Variants in QTGAL observed in about 807,000 individuals in gnomAD.
QTGAL encodes BGnT-like protein 1.
the QTGAL span, among the ~76,000 whole-genome samples, chr17:83,014,805 G>C: frequency 6.6e-6 from 1 of 152,254 alleles, no homozygotes. Flanking sequence ...AAACAGGCAA[G>C]GGCCTTGAAC....
the QTGAL span, among the ~76,000 whole-genome samples, chr17:82,974,255 CT>C: frequency 1.3e-5 from 2 of 152,206 alleles, no homozygotes; most frequent in Non-Finnish European, 2.9e-5. Context: ...GGAACGCGTG[CT>C]GACTGAGGCC....
the QTGAL span, among the ~76,000 whole-genome samples, chr17:82,973,460 C>G: frequency 1.3e-5 from 2 of 152,170 alleles, no homozygotes; most frequent in Non-Finnish European, 1.5e-5. Flanking sequence ...ACGGTCTTCC[C>G]GGGGAGCAGC....
At chr17:83,006,021 C>A in the QTGAL span, 1 of 1,046,518 alleles carries the variant, frequency 9.6e-7, no homozygotes, top group Non-Finnish European at 1.2e-6. This position sits in a 1 kb window ranked among gnomAD's most constrained non-coding sequence, Gnocchi z 5.8. Context: ...GGCACCTGGG[C>A]GCGTCCGTAG....
chr17:83,011,871 C>T, the QTGAL span, among the ~76,000 whole-genome samples: 1 of 152,074 alleles, frequency 6.6e-6, no homozygotes. Flanking sequence ...GGAATCCCAG[C>T]TCGTTTGAAC....
chr17:82,972,681 A>G, the QTGAL span, among the ~76,000 whole-genome samples: 10 of 110,162 alleles, frequency 9.1e-5, no homozygotes, highest in African/African-American at 3.4e-4. Context: ...AGGACCCGGT[A>G]CTGACCACAC....
chr17:83,028,954 C>T, the QTGAL span, among the ~76,000 whole-genome samples: 5 of 152,292 alleles, frequency 3.3e-5, no homozygotes, highest in South Asian at 2.1e-4. Flanking sequence ...CATGACCATC[C>T]GGCTGAGTGG....
the QTGAL span, among the ~76,000 whole-genome samples, chr17:82,993,113 C>T: frequency 6.6e-6 from 1 of 152,154 alleles, no homozygotes; most frequent in East Asian, 1.9e-4. Context: ...GGAGTAAGTC[C>T]TTATTTATCA....
At chr17:82,970,645 C>T in the QTGAL span, among the ~76,000 whole-genome samples, 58 of 68,438 alleles carry the variant, frequency 8.5e-4, 8 homozygotes, top group African/African-American at 1.6e-3. Context: ...CCTCCGCACC[C>T]GGTGTGGCCG....
the QTGAL span, among the ~76,000 whole-genome samples, chr17:83,015,056 AGGACCTGCCACCACTGTGGAGG>A: frequency 9.3e-5 from 14 of 151,062 alleles, no homozygotes; most frequent in African/African-American, 3.4e-4. The surrounding 1 kb of genome is among the most constrained non-coding windows in gnomAD (Gnocchi z 4.4). Flanking sequence ...GTCTGCGGTG[AGGACCTGCCACCACTGTGGAGG>A]GGACCGTCTG....
At chr17:83,013,645 G>A in the QTGAL span, among the ~76,000 whole-genome samples, 1 of 151,682 alleles carries the variant, frequency 6.6e-6, no homozygotes, top group African/African-American at 2.4e-5. Flanking sequence ...TGTGACCAGA[G>A]CCGGCCGTGA....
At chr17:82,957,193 G>A in the QTGAL span, 15 of 1,614,078 alleles carry the variant, frequency 9.3e-6, no homozygotes, top group East Asian at 4.5e-5. Context: ...GAGAGTCCTC[G>A]TGGCAATAGA....
chr17:82,965,724 G>C, the QTGAL span: 1 of 1,612,470 alleles, frequency 6.2e-7, no homozygotes, highest in Non-Finnish European at 8.5e-7. Flanking sequence ...CATGATCACC[G>C]TGGGGCCATT....
At chr17:82,957,655 G>A in the QTGAL span, among the ~76,000 whole-genome samples, 2 of 152,208 alleles carry the variant, frequency 1.3e-5, no homozygotes, top group Admixed American at 6.5e-5. Flanking sequence ...CAGGCCACCT[G>A]CCCCAGCTGG....
the QTGAL span, among the ~76,000 whole-genome samples, chr17:82,995,213 G>A: frequency 6.6e-6 from 1 of 151,892 alleles, no homozygotes; most frequent in East Asian, 1.9e-4. Flanking sequence ...AGAAATAAAG[G>A]GCATCCAAAT....
At chr17:83,048,184 G>A in the QTGAL span, among the ~76,000 whole-genome samples, 1 of 152,016 alleles carries the variant, frequency 6.6e-6, no homozygotes, top group Non-Finnish European at 1.5e-5. Context: ...GTGCCACTAC[G>A]CCCGGCTAAT....
the QTGAL span, among the ~76,000 whole-genome samples, chr17:83,002,256 C>A: frequency 6.6e-6 from 1 of 152,178 alleles, no homozygotes; most frequent in African/African-American, 2.4e-5. Context: ...TCAGCCATGG[C>A]CTCCGGGGAA....
At chr17:83,021,219 T>C in the QTGAL span, among the ~76,000 whole-genome samples, 2 of 152,258 alleles carry the variant, frequency 1.3e-5, no homozygotes, top group Non-Finnish European at 2.9e-5. Flanking sequence ...TCCTAGTCAG[T>C]ATAATGAACT....
chr17:83,005,530 A>G, the QTGAL span: 1 of 698,786 alleles, frequency 1.4e-6, no homozygotes, highest in Non-Finnish European at 2.6e-6. The surrounding 1 kb of genome is among the most constrained non-coding windows in gnomAD (Gnocchi z 5.6). Context: ...AATGAACTCA[A>G]ATCAAATGGC....
At chr17:82,954,822 A>C in the QTGAL span, among the ~76,000 whole-genome samples, 10 of 152,214 alleles carry the variant, frequency 6.6e-5, no homozygotes, top group Non-Finnish European at 1.3e-4. Flanking sequence ...CTCAGAAATA[A>C]CACCACACAT....
Sources: gnomAD v4.1 joint callset for allele counts (sites outside exome capture counted in the v4.1 genomes callset) on GRCh38, gnomAD v4.1.1 for gene constraint, Gnocchi (gnomAD v3.1) non-coding constraint, MANE v1.5 for transcripts, NCBI Gene and HGNC (gene_info 2026-07-23, HGNC 2026-07-21) for gene names.